Variants in LRRC1 observed in about 807,000 individuals in gnomAD.
LRRC1 encodes the protein leucine-rich repeat-containing protein 1.
In LRRC1, 28 loss-of-function variants were observed where a neutral mutation model predicts 69.9. The observed-to-expected ratio is 0.40, with a 90% CI of 0.30 to 0.55. The LOEUF (loss-of-function observed/expected upper bound fraction) is 0.55. LRRC1 is among the 20% of genes least tolerant of loss of function. The pLI, the probability that LRRC1 is intolerant of heterozygous loss-of-function variation, is 0.47. For missense variants in LRRC1, 498 were observed against 609.0 expected (o/e 0.82, Z 1.92); for synonymous variants, 236 against 240.2 (o/e 0.98, Z 0.16).
chr6:53,823,083 T>C (rs1765160960), intron 1 of LRRC1, among the ~76,000 whole-genome samples: 1 of 152,232 alleles, frequency 6.6e-6, no homozygotes. Flanking sequence ...TGATCCTCAC[T>C]GTGACTCTGG....
intron 2 of LRRC1, among the ~76,000 whole-genome samples, chr6:53,851,805 G>C (rs554805294): frequency 6.4e-4 from 98 of 152,244 alleles, no homozygotes; most frequent in African/African-American, 2.3e-3. Flanking sequence ...TCAGATGCCT[G>C]TCCAAAGAGG....
intron 2 of LRRC1, among the ~76,000 whole-genome samples, chr6:53,854,592 T>C (rs77534364): frequency 1.3e-5 from 2 of 152,216 alleles, no homozygotes; most frequent in East Asian, 3.9e-4. Flanking sequence ...CAAAACTGAG[T>C]CTCAGGTTAG....
rs528043439 is a variant in LRRC1 at position 53,824,829 on chromosome 6, C to T, written c.160-17281C>T. On this transcript the variant is annotated intron_variant, in intron 1 of 13. Coordinates refer to ENST00000370888, the MANE Select transcript of LRRC1 (RefSeq NM_018214.5). ...AGAAGGTACTTTGTAGATCAACCAT[C>T]CAGTTTTTCAGTTCCTTTGATAAAA... Among the ~76,000 whole-genome samples the T allele has an allele frequency of 2.2e-4, 34 of 152,298 alleles. 2 individuals carry two copies. In the South Asian group the frequency reaches 6.8e-3, roughly 31 times the overall value.
intron 4 of LRRC1, among the ~76,000 whole-genome samples, chr6:53,889,841 T>A (rs1432360502): frequency 6.6e-6 from 1 of 152,214 alleles, no homozygotes; most frequent in Non-Finnish European, 1.5e-5. Context: ...TGAAGCTGGG[T>A]ACTGCTGAAG....
intron 2 of LRRC1, among the ~76,000 whole-genome samples, chr6:53,845,609 T>C (rs1446773055): frequency 6.6e-6 from 1 of 152,218 alleles, no homozygotes; most frequent in Non-Finnish European, 1.5e-5. Flanking sequence ...TAACCAGGGC[T>C]GGCCAGTCAT....
intron 10 of LRRC1, among the ~76,000 whole-genome samples, chr6:53,905,799 A>G (rs1353542979): frequency 6.6e-6 from 1 of 152,220 alleles, no homozygotes; most frequent in Non-Finnish European, 1.5e-5. Context: ...ACATGATCAT[A>G]TTCTGAAACA....
intron 10 of LRRC1, among the ~76,000 whole-genome samples, chr6:53,910,495 T>A (rs1037353432): frequency 3.9e-5 from 6 of 152,176 alleles, no homozygotes; most frequent in Non-Finnish European, 8.8e-5. Context: ...ATGGGTTTTT[T>A]AAGACATTCG....
intron 2 of LRRC1, among the ~76,000 whole-genome samples, chr6:53,869,517 G>A (rs141786203): frequency 7.9e-5 from 12 of 152,262 alleles, no homozygotes; most frequent in African/African-American, 2.4e-4. Flanking sequence ...GGCACTAAGC[G>A]GTTTTCTTAG....
At position 53,904,271 on chromosome 6, in the gene LRRC1, C is replaced by T. The variant is rs1432639204; in HGVS notation, c.907-108C>T. ...TGATATTCAGCAAGAACTATTGCTT[C>T]TGTTGCTGGATGAGATTATATTCTT... On this transcript the variant is annotated intron_variant, in intron 9 of 13. Coordinates refer to ENST00000370888, the MANE Select transcript of LRRC1 (RefSeq NM_018214.5). 1.3e-5 allele frequency: 8 copies of T among 639,040 alleles called. No individual in the cohort carries two copies. In the Admixed American group the frequency reaches 2.3e-4, roughly 18 times the overall value. The allele number at this position is 639,040 out of a possible 1,614,324, so 39.6% of individuals were successfully genotyped here.
intron 4 of LRRC1, among the ~76,000 whole-genome samples, chr6:53,887,558 T>C (rs6916929): frequency 0.47 from 70,546 of 151,702 alleles, 16,685 homozygotes; most frequent in Middle Eastern, 0.53. Context: ...TCCTGAGCTT[T>C]ATTAGCTTCC....
chr6:53,800,247 C>CTT (rs55960000), intron 1 of LRRC1, among the ~76,000 whole-genome samples: 216 of 89,510 alleles, frequency 2.4e-3, no homozygotes, highest in African/African-American at 3.5e-3. Flanking sequence ...GTTTCTTTTT[C>CTT]TTTTTTTTTT....
intron 1 of LRRC1, among the ~76,000 whole-genome samples, chr6:53,796,579 C>T (rs1007249357): frequency 6.6e-6 from 1 of 152,204 alleles, no homozygotes; most frequent in Admixed American, 6.5e-5. Flanking sequence ...GATACGTTCT[C>T]CAGCGCTGAT....
chr6:53,908,056 A>G (rs1343375406), intron 10 of LRRC1, among the ~76,000 whole-genome samples: 1 of 152,128 alleles, frequency 6.6e-6, no homozygotes, highest in East Asian at 1.9e-4. Context: ...CTGGGAAAAG[A>G]TTTCTTAAAA....
chr6:53,920,819 G>A (rs560798777), intron 13 of LRRC1, 58 bp downstream of exon 13: 1 of 1,568,380 alleles, frequency 6.4e-7, no homozygotes, highest in Non-Finnish European at 8.8e-7. Context: ...GATTAGAATG[G>A]CACCTAATAA....
chr6:53,807,761 A>G (rs1764675057), intron 1 of LRRC1, among the ~76,000 whole-genome samples: 1 of 150,070 alleles, frequency 6.7e-6, no homozygotes, highest in African/African-American at 2.5e-5. Context: ...CAACAACAAC[A>G]ACAACAACAA....
intron 1 of LRRC1, among the ~76,000 whole-genome samples, chr6:53,840,925 TGTGC>T (rs1161351875): frequency 0.025 from 3,422 of 136,132 alleles, 189 homozygotes; most frequent in Admixed American, 0.14. Context: ...TGTGTGTGTG[TGTGC>T]GTGCGCGCAC....
chr6:53,923,980 GA>G lies in LRRC1; in HGVS notation c.*1191del, dbSNP rs1263525870. The G allele has an allele frequency of 6.6e-6, 1 of 152,620 alleles. No homozygotes were observed. The highest frequency in any genetic ancestry group is 1.5e-5 in the Non-Finnish European group (1 of 68,028). The allele number at this position is 152,620 out of a possible 1,614,324, so 9.5% of individuals were successfully genotyped here. ...AATCTGCTAATTTAAGGGATATTGG[GA>G]AAAGTTTTGGTGTGTTTCTGTTGAT... On this transcript the variant is annotated 3_prime_UTR_variant, in exon 14 of 14. Coordinates refer to ENST00000370888, the MANE Select transcript of LRRC1 (RefSeq NM_018214.5).
intron 3 of LRRC1, among the ~76,000 whole-genome samples, chr6:53,882,469 A>G (rs1001115089): frequency 5.3e-5 from 8 of 152,212 alleles, no homozygotes; most frequent in African/African-American, 1.9e-4. Flanking sequence ...TTTTATTATA[A>G]TCTCATGGGC....
chr6:53,886,276 T>A (rs1767475517), intron 4 of LRRC1, among the ~76,000 whole-genome samples: 1 of 152,158 alleles, frequency 6.6e-6, no homozygotes, highest in South Asian at 2.1e-4. Context: ...GTGGCATATT[T>A]CTGATCAGAA....
Sources: allele counts gnomAD v4.1 joint callset (sites outside exome capture counted in the v4.1 genomes callset), GRCh38; gene constraint gnomAD v4.1.1; transcripts MANE v1.5; gene names NCBI Gene and HGNC (gene_info 2026-07-23, HGNC 2026-07-21).